Variants in CEP131 observed in about 807,000 individuals in gnomAD.
CEP131 encodes the protein centrosomal protein 131, also known as centrosomal protein of 131 kDa.
Under a neutral mutation model 136.8 loss-of-function variants are expected in CEP131, and 99 were observed. The observed-to-expected ratio is 0.72, with a 90% CI of 0.62 to 0.86. The LOEUF (loss-of-function observed/expected upper bound fraction) is 0.86, where lower values mean the gene tolerates loss of function less well. Among genes scored for constraint, CEP131 ranks in the 40% least tolerant of loss-of-function variants. The probability of loss-of-function intolerance (pLI) is 0.00; values close to 1 mark genes in which losing one functional copy is unlikely to be tolerated. For missense variants in CEP131, 1,459 were observed against 1,463.0 expected (o/e 1.00, Z 0.04); for synonymous variants, 646 against 612.7 (o/e 1.05, Z -0.80).
chr17:81,192,395 G>A lies in CEP131; in HGVS notation c.2548-3C>T. ...TGCTTCAGGGTATTCAGCTCCATCT[G>A]GGGGGCGGACATAAGAGGCCAGTCA... On this transcript the variant is annotated splice_polypyrimidine_tract_variant and splice_region_variant and intron_variant, in intron 20 of 25. Coordinates refer to ENST00000450824, the MANE Select transcript of CEP131 (RefSeq NM_014984.4). 2.5e-6 allele frequency: 4 copies of A among 1,608,768 alleles called. No homozygotes were observed. Among genetic ancestry groups the A allele is most frequent in the Non-Finnish European group, 2.5e-6 (3 of 1,178,592 alleles).
chr17:81,204,508 C>T (rs1036920129), intron 5 of CEP131, among the ~76,000 whole-genome samples: 25 of 152,080 alleles, frequency 1.6e-4, no homozygotes, highest in African/African-American at 4.8e-4. Context: ...ACCAGTGCCC[C>T]GAAGTGAAGC....
At chr17:81,194,217 A>G (rs888602409) in intron 17 of CEP131, 90 bp from the exon 18 acceptor site, 5 of 1,275,376 alleles carry the variant, frequency 3.9e-6, no homozygotes, top group Non-Finnish European at 5.2e-6. Flanking sequence ...TCTCAGGCCC[A>G]GAGGGGACCC....
intron 6 of CEP131, among the ~76,000 whole-genome samples, chr17:81,202,890 G>C (rs1404152297): frequency 1.3e-5 from 2 of 152,014 alleles, no homozygotes; most frequent in East Asian, 3.9e-4. Context: ...CTTGAACCTG[G>C]GAGGCAGAGG....
In CEP131 at chr17:81,191,184, G is replaced by T. The variant is rs558821723; in HGVS notation, c.2765+9C>A. The T allele has an allele frequency of 6.2e-7, 1 of 1,609,842 alleles. No homozygotes were observed. The highest frequency in any genetic ancestry group is 1.1e-5 in the South Asian group (1 of 90,996). ...CCCAGCTGGTGACCCAGCCATGGCG[G>T]GTCCTTACCGGCTCTCGGCAGCCTT... is the stretch of plus-strand genomic sequence containing the variant. On this transcript the variant is annotated intron_variant, in intron 22 of 25. Transcript: ENST00000450824.
intron 2 of CEP131, among the ~76,000 whole-genome samples, chr17:81,217,781 G>A (rs528418607): frequency 2.6e-5 from 4 of 152,282 alleles, no homozygotes; most frequent in South Asian, 4.1e-4. Context: ...GGTACCAGCC[G>A]AGGAAAGGAG....
intron 4 of CEP131, 113 bp from the exon 5 acceptor site, chr17:81,206,984 T>G: frequency 2.0e-6 from 3 of 1,529,092 alleles, no homozygotes; most frequent in Non-Finnish European, 2.6e-6. Flanking sequence ...GACAGGTGGA[T>G]GTCCTGGGGT....
At position 81,190,894 on chromosome 17, in the gene CEP131, C is replaced by A; in HGVS notation, c.2943+13G>T. On this transcript the variant is annotated intron_variant, in intron 23 of 25. Coordinates refer to ENST00000450824, the MANE Select transcript of CEP131 (RefSeq NM_014984.4). ...GTGGGTGCCCACTGCCCACCTGACA[C>A]CCGCCCACTCACCGCCTGCGCATCC... 1.9e-6 allele frequency: 3 copies of A among 1,598,880 alleles called. No individual in the cohort carries two copies. The South Asian group carries it at 3.3e-5, about 18-fold the overall frequency.
At position 81,214,448 on chromosome 17, in the gene CEP131, C is replaced by T. The variant is rs796933470; in HGVS notation, c.178-5426G>A. 2.3e-4 allele frequency among the ~76,000 whole-genome samples: 35 copies of T among 151,950 alleles called. 1 individual carries two copies. Among genetic ancestry groups the T allele is most frequent in the African/African-American group, 8.4e-4 (35 of 41,442 alleles). ...GCAGGCGCCTGTAATCCCAGCTACTCGGGAGGCTGAGGCAGGAGAATCACT... is the reference window on the plus strand; with the variant it reads ...GCAGGCGCCTGTAATCCCAGCTACTTGGGAGGCTGAGGCAGGAGAATCACT... On this transcript the variant is annotated intron_variant, in intron 2 of 25. Transcript: ENST00000450824.
chr17:81,192,685 G>GGGGGGGGGGGGGGGCGCCC, intron 19 of CEP131, 51 bp downstream of exon 19: 3 of 478,428 alleles, frequency 6.3e-6, no homozygotes, highest in Non-Finnish European at 1.2e-5. Context: ...GGGGGGAGGG[G>GGGGGGGGGGGGGGGCGCCC]TCAGCCAGCG....
rs764480652 is a variant in CEP131, at chr17:81,191,289, C to G, written c.2669G>C (p.Arg890Pro). ...CTCAATCTCCTTGTCCCGGCCTTTC[C>G]GGATTTCTTCCCTCAGCTCCTGTTC... ...NREQELREEI[R>P]KGRDKEIELV... Residue 890 changes from arginine (R) to proline (P), a missense_variant, in exon 22 of 26, where the codon CGG (arginine) becomes CCG (proline). Transcript: ENST00000450824. The G allele has an allele frequency of 1.9e-6, 3 of 1,613,468 alleles. No individual in the cohort carries two copies. The highest frequency in any genetic ancestry group is 2.5e-6 in the Non-Finnish European group (3 of 1,179,948).
rs766152494 is a variant in CEP131 at position 81,194,908 on chromosome 17, C to T, written c.2081G>A (p.Ser694Asn). ...CTCCTTGATCTTCTTGGTTTTCTCACTGATCCACTTCTCCCGGCGGGCTTT... is the reference window on the plus strand; with the variant it reads ...CTCCTTGATCTTCTTGGTTTTCTCATTGATCCACTTCTCCCGGCGGGCTTT... Reference protein sequence around the residue: ...TEKARREKWISEKTKKIKEVT... With the variant: ...TEKARREKWINEKTKKIKEVT... The change falls in exon 17 of 26, where the codon AGT (serine) becomes AAT (asparagine). Residue 694 changes from serine to asparagine, a missense_variant. Coordinates refer to ENST00000450824, the MANE Select transcript of CEP131 (RefSeq NM_014984.4). The T allele has an allele frequency of 1.2e-6, 2 of 1,613,496 alleles. No homozygotes were observed. The highest frequency in any genetic ancestry group is 2.2e-5 in the East Asian group (1 of 44,876).
At chr17:81,217,742 C>T (rs1337493094) in intron 2 of CEP131, among the ~76,000 whole-genome samples, 2 of 152,112 alleles carry the variant, frequency 1.3e-5, no homozygotes, top group African/African-American at 2.4e-5. Context: ...TGTTAGCAGT[C>T]GCCACTCAAC....
rs2061935281 is a variant in CEP131, at chr17:81,203,318, C to A, written c.629+176G>T. 6.6e-6 allele frequency among the ~76,000 whole-genome samples: 1 copy of A among 152,206 alleles called. No individual in the cohort carries two copies. Among genetic ancestry groups the A allele is most frequent in the Non-Finnish European group, 1.5e-5 (1 of 68,032 alleles). On this transcript the variant is annotated intron_variant, in intron 6 of 25. Transcript: ENST00000450824. The surrounding 1 kb of genome is among the most constrained non-coding windows in gnomAD (Gnocchi z 4.6). ...CTCCACGCGGTTTTACGTGCACTGA[C>A]CACGTGCCCTGACCGAGGTTGGACC...
intron 3 of CEP131, among the ~76,000 whole-genome samples, chr17:81,207,778 A>G (rs1187278642): frequency 1.3e-5 from 2 of 151,234 alleles, no homozygotes; most frequent in Admixed American, 1.3e-4. Context: ...CTGGTGGCCA[A>G]TCCCCACTGC....
chr17:81,191,023 T>G lies in CEP131; in HGVS notation c.2827A>C (p.Lys943Gln), dbSNP rs752508629. The G allele has an allele frequency of 6.2e-7, 1 of 1,610,536 alleles. No individual in the cohort carries two copies. The highest frequency in any genetic ancestry group is 2.2e-5 in the East Asian group (1 of 44,878). The change falls in exon 23 of 26, where the codon AAG becomes CAG. Residue 943 changes from lysine (K) to glutamine (Q), a missense_variant. By Grantham distance (53) the Lys-to-Gln change is moderately conservative. This residue lies in a region of CEP131 where 1,026 missense variants were observed against 964.2 expected (regional missense o/e 1.06). Coordinates refer to ENST00000450824, the MANE Select transcript of CEP131 (RefSeq NM_014984.4). ...ELSELEQSER[K>Q]LQERCSELKG... Reference sequence around the variant, plus strand: ...AGCTCCGAGCACCGCTCCTGAAGCTTCCGCTCCGACTGCTCCAGCTCGGAG... The same window carrying G: ...AGCTCCGAGCACCGCTCCTGAAGCTGCCGCTCCGACTGCTCCAGCTCGGAG...
chr17:81,203,463 G>T lies in CEP131; in HGVS notation c.629+31C>A. ...CATGCCCTAACTGAGGTCGGACCCC[G>T]CAGCCCCGCGGCCTCCCCAGAAGAC... On this transcript the variant is annotated intron_variant, in intron 6 of 25. Coordinates refer to ENST00000450824, the MANE Select transcript of CEP131 (RefSeq NM_014984.4). This position sits in a 1 kb window ranked among gnomAD's most constrained non-coding sequence, Gnocchi z 4.6. 1 of 1,542,856 alleles carries T rather than the reference G, an allele frequency of 6.5e-7. No homozygotes were observed. The highest frequency in any genetic ancestry group is 8.8e-7 in the Non-Finnish European group (1 of 1,138,436).
chr17:81,206,726 C>A lies in CEP131; in HGVS notation c.515+18G>T, dbSNP rs780421103. 1 of 1,604,938 alleles carries A rather than the reference C, an allele frequency of 6.2e-7. No individual in the cohort carries two copies. Among genetic ancestry groups the A allele is most frequent in the Non-Finnish European group, 8.5e-7 (1 of 1,175,988 alleles). ...GCTTCCCACTGGTGCCCGTCGTGGG[C>A]ACCTGCACAGGTCGTACCTGTTGTT... On this transcript the variant is annotated intron_variant, in intron 5 of 25. Coordinates refer to ENST00000450824, the MANE Select transcript of CEP131 (RefSeq NM_014984.4).
chr17:81,204,792 C>T (rs549301792), intron 5 of CEP131, among the ~76,000 whole-genome samples: 105 of 151,934 alleles, frequency 6.9e-4, no homozygotes, highest in African/African-American at 2.4e-3. Flanking sequence ...CACCAGCCCA[C>T]GCCCAGCACC....
Position 81,200,369 on chromosome 17 carries a change from C to A in CEP131, c.866G>T (p.Gly289Val). ...AAGCAAGTGCTCCAGGCGGGCAGCT[C>A]CTGCTCCGCGCCGCTGCACCTGGTG... is the stretch of plus-strand genomic sequence containing the variant. Reference protein sequence around the residue: ...YRHQVQRRGAGAARLEHLLQA... With the variant: ...YRHQVQRRGAVAARLEHLLQA... Residue 289 changes from glycine (G) to valine (V), a missense_variant, in exon 8 of 26, where the codon GGA becomes GTA. Physicochemically the swap from Gly to Val is moderately radical, Grantham distance 109. Around this residue, in one of 3 missense-constraint regions of CEP131, gnomAD observed 246 missense variants for 318.9 expected, o/e 0.77. Coordinates refer to ENST00000450824, the MANE Select transcript of CEP131 (RefSeq NM_014984.4). 1.3e-6 allele frequency: 2 copies of A among 1,583,432 alleles called. No individual in the cohort carries two copies. The highest frequency in any genetic ancestry group is 8.6e-7 in the Non-Finnish European group (1 of 1,165,342).
Sources: allele counts gnomAD v4.1 joint callset (sites outside exome capture counted in the v4.1 genomes callset), GRCh38; gene constraint gnomAD v4.1.1; regional missense constraint gnomAD v4.1.1; non-coding constraint Gnocchi (gnomAD v3.1); transcripts MANE v1.5; gene names NCBI Gene and HGNC (gene_info 2026-07-23, HGNC 2026-07-21).